LMO7: variants seen among roughly 807,000 people sequenced by gnomAD.
LMO7 encodes the protein LIM domain only protein 7.
A neutral mutation model predicts 206.5 loss-of-function variants in LMO7; 120 were observed. That is an observed-to-expected ratio of 0.58 (90% confidence interval 0.50 to 0.68). The LOEUF (loss-of-function observed/expected upper bound fraction) is 0.68. Among genes scored for constraint, LMO7 ranks in the 30% least tolerant of loss-of-function variants. The pLI, the probability that LMO7 is intolerant of heterozygous loss-of-function variation, is 0.00. For synonymous variants in LMO7, 706 were observed against 681.5 expected, an observed-to-expected ratio of 1.04 and a Z score of -0.56; for missense variants, 1,959 against 1,957.9, an observed-to-expected ratio of 1.00 and a Z score of -0.01.
At position 75,820,934 on chromosome 13, in the gene LMO7, T is replaced by G. The variant is rs56376746; in HGVS notation, c.2208-243T>G. On this transcript the variant is annotated intron_variant, in intron 13 of 30. Transcript: ENST00000377534. The stretch of plus-strand genomic sequence containing the variant: ...ATTGCTTGAATGCGGGAGGCGGAGG[T>G]TGCAGGTGAGCTGAGATCGTGCCAC... Among the ~76,000 whole-genome samples the G allele has an allele frequency of 2.4e-3, 363 of 151,604 alleles. 3 individuals are homozygous for G. The highest frequency in any genetic ancestry group is 4.3e-3 in the Non-Finnish European group (289 of 67,932).
At chr13:75,675,370 G>A (rs995876260) in intron 1 of LMO7, among the ~76,000 whole-genome samples, 5 of 151,898 alleles carry the variant, frequency 3.3e-5, no homozygotes, top group South Asian at 2.1e-4. Flanking sequence ...CACCGTGCCC[G>A]GCCTGTTACA....
At chr13:75,771,103 T>C (rs897956552) in intron 4 of LMO7, among the ~76,000 whole-genome samples, 6 of 152,124 alleles carry the variant, frequency 3.9e-5, no homozygotes, top group African/African-American at 1.4e-4. Flanking sequence ...TTATTTGATA[T>C]GTGGCAAATA....
chr13:75,779,957 G>A (rs1442409305), intron 4 of LMO7, among the ~76,000 whole-genome samples: 1 of 152,148 alleles, frequency 6.6e-6, no homozygotes, highest in Non-Finnish European at 1.5e-5. Flanking sequence ...CATGTTGGCA[G>A]GTTCCGTGAT....
chr13:75,669,125 C>T (rs2039322522), intron 1 of LMO7, among the ~76,000 whole-genome samples: 1 of 152,098 alleles, frequency 6.6e-6, no homozygotes, highest in South Asian at 2.1e-4. Context: ...AGTGCAGTAA[C>T]CAGTAAGAAA....
chr13:75,661,239 T>G (rs1440248276), intron 1 of LMO7, among the ~76,000 whole-genome samples: 1 of 152,184 alleles, frequency 6.6e-6, no homozygotes, highest in Non-Finnish European at 1.5e-5. Flanking sequence ...TCCATCGTAC[T>G]GTGTATATAT....
chr13:75,746,807 T>G (rs1313705254), intron 3 of LMO7, among the ~76,000 whole-genome samples: 1 of 152,152 alleles, frequency 6.6e-6, no homozygotes, highest in Non-Finnish European at 1.5e-5. Context: ...GGCCTCAGTA[T>G]TGTCAAGATG....
At chr13:75,680,744 C>T (rs1367197459) in intron 1 of LMO7, among the ~76,000 whole-genome samples, 1 of 152,054 alleles carries the variant, frequency 6.6e-6, no homozygotes. Context: ...TGACAGGCCC[C>T]AGTGTGTGAT....
intron 3 of LMO7, among the ~76,000 whole-genome samples, chr13:75,739,715 T>G (rs2046264671): frequency 6.6e-6 from 1 of 152,216 alleles, no homozygotes; most frequent in Non-Finnish European, 1.5e-5. Flanking sequence ...CACATCGGGT[T>G]GTTCCTTTCC....
rs748289721 is a variant in LMO7, at chr13:75,849,296, C to G, written c.4364+4C>G. 6 of 1,608,084 alleles carry G rather than the reference C, an allele frequency of 3.7e-6. No individual in the cohort carries two copies. Among genetic ancestry groups the G allele is most frequent in the Non-Finnish European group, 5.1e-6 (6 of 1,174,700 alleles). On this transcript the variant is annotated splice_donor_region_variant and intron_variant, in intron 27 of 30. Coordinates refer to ENST00000377534, the MANE Select transcript of LMO7 (RefSeq NM_001306080.2). ...GTCTTCCTGGGATCATGAGAAGGTG[C>G]GAGACATCTTAGGAATTGGTTTCTT...
intron 3 of LMO7, among the ~76,000 whole-genome samples, chr13:75,746,391 C>G (rs1334783832): frequency 6.6e-6 from 1 of 152,188 alleles, no homozygotes; most frequent in Non-Finnish European, 1.5e-5. Flanking sequence ...GGAAGCCAGC[C>G]TTGTTCACCA....
rs751760849 is a variant in LMO7, at chr13:75,760,773, A to T, written c.211-159A>T. 5 of 1,538,946 alleles carry T rather than the reference A, an allele frequency of 3.2e-6. No homozygotes were observed. In the Admixed American group the frequency reaches 5.9e-5, roughly 18 times the overall value. Reference sequence around the variant, plus strand: ...AGGACTGAAAGGCTGTACAAGCCCTATGTATTTTTTTTCAAATATACATAT... The same window carrying T: ...AGGACTGAAAGGCTGTACAAGCCCTTTGTATTTTTTTTCAAATATACATAT... On this transcript the variant is annotated intron_variant, in intron 3 of 30. Transcript: ENST00000377534.
intron 1 of LMO7, among the ~76,000 whole-genome samples, chr13:75,709,066 C>A (rs138160806): frequency 6.6e-6 from 1 of 151,834 alleles, no homozygotes; most frequent in East Asian, 1.9e-4. Context: ...TTTGTCCTTG[C>A]GATAGTTTGC....
intron 3 of LMO7, among the ~76,000 whole-genome samples, chr13:75,748,205 A>G (rs1002765410): frequency 6.6e-6 from 1 of 152,186 alleles, no homozygotes; most frequent in African/African-American, 2.4e-5. Context: ...AATGAGACTG[A>G]TTTTGGACTT....
chr13:75,747,615 T>C (rs544760851), intron 3 of LMO7, among the ~76,000 whole-genome samples: 1 of 152,288 alleles, frequency 6.6e-6, no homozygotes, highest in East Asian at 1.9e-4. Flanking sequence ...TGGAGTCCAG[T>C]ATTTGAGATA....
chr13:75,749,744 T>C (rs904460757), intron 3 of LMO7, among the ~76,000 whole-genome samples: 25 of 152,300 alleles, frequency 1.6e-4, no homozygotes, highest in African/African-American at 6.0e-4. Context: ...TTGGTTCCTA[T>C]TTTTACTTTC....
Position 75,808,302 on chromosome 13 carries a change from G to A in LMO7, c.1916+103G>A, listed in dbSNP as rs971216299. On this transcript the variant is annotated intron_variant, in intron 10 of 30. Transcript: ENST00000377534. ...ATCGTGTTGCTCAACTCTGCATGTC[G>A]CGTGCCATTTTGAAGCATCCCGTAA... The A allele has an allele frequency of 4.7e-5, 62 of 1,321,852 alleles. 1 individual carries two copies. In the South Asian group the frequency reaches 7.6e-4, roughly 16 times the overall value. The allele number at this position is 1,321,852 out of a possible 1,614,324, so 81.9% of individuals were successfully genotyped here. A position where few individuals can be genotyped will look rare whatever the true frequency, so the allele number is the denominator to read the frequency against.
chr13:75,850,442 G>A (rs753345666), intron 27 of LMO7, among the ~76,000 whole-genome samples: 5 of 152,102 alleles, frequency 3.3e-5, no homozygotes, highest in Non-Finnish European at 7.4e-5. Context: ...ATTCAAGGAT[G>A]TACACTTACA....
At chr13:75,738,426 G>A (rs1293532295) in intron 3 of LMO7, among the ~76,000 whole-genome samples, 2 of 152,204 alleles carry the variant, frequency 1.3e-5, no homozygotes, top group Non-Finnish European at 2.9e-5. Context: ...TATATTGAAT[G>A]CTTTGCTTGA....
chr13:75,836,740 C>T (rs910877872), intron 19 of LMO7, among the ~76,000 whole-genome samples: 4 of 152,118 alleles, frequency 2.6e-5, no homozygotes, highest in South Asian at 2.1e-4. Context: ...TTCCTGAGGC[C>T]GTCAGCTTTC....
Sources: allele counts gnomAD v4.1 joint callset (sites outside exome capture counted in the v4.1 genomes callset), GRCh38; gene constraint gnomAD v4.1.1; transcripts MANE v1.5; gene names NCBI Gene and HGNC (gene_info 2026-07-23, HGNC 2026-07-21).